NLRP1: variants seen among roughly 807,000 people sequenced by gnomAD.
NLRP1 encodes NLR family pyrin domain containing 1, also known as NACHT, LRR and PYD domains-containing protein 1.
In NLRP1, 94 loss-of-function variants were observed where a neutral mutation model predicts 136.7. The observed-to-expected ratio is 0.69, with a 90% CI of 0.58 to 0.82. The LOEUF (loss-of-function observed/expected upper bound fraction) is 0.82. Among genes scored for constraint, NLRP1 ranks in the 40% least tolerant of loss-of-function variants. The probability of loss-of-function intolerance (pLI) is 0.00; values close to 1 mark genes in which losing one functional copy is unlikely to be tolerated. For synonymous variants in NLRP1, 690 were observed against 725.1 expected (o/e 0.95, Z 0.78); for missense variants, 1,575 against 1,802.7 (o/e 0.87, Z 2.29).
rs192161726 is a variant in NLRP1 at position 5,524,049 on chromosome 17, G to A, written c.3521-2263C>T. Among the ~76,000 whole-genome samples, 25 of 152,220 alleles carry A rather than the reference G, an allele frequency of 1.6e-4. No individual in the cohort carries two copies. In the East Asian group the frequency reaches 4.6e-3, roughly 28 times the overall value. ...AGTGATTCTCATGCCTCAGCCTCCC[G>A]AGTAGCTGGGACTACAGGCATGCAC... is the stretch of plus-strand genomic sequence containing the variant. On this transcript the variant is annotated intron_variant, in intron 12 of 16. Transcript: ENST00000572272.
intron 8 of NLRP1, among the ~76,000 whole-genome samples, chr17:5,535,887 C>T (rs183748931): frequency 1.1e-3 from 172 of 152,238 alleles, no homozygotes; most frequent in African/African-American, 3.9e-3. Context: ...TTCCTGGCCC[C>T]GGGGCTTGCC....
chr17:5,515,216 C>G (rs1001154374), intron 16 of NLRP1, 143 bp from the exon 17 acceptor site: 1 of 881,558 alleles, frequency 1.1e-6, no homozygotes, highest in African/African-American at 1.7e-5. Flanking sequence ...CAGCATCTAG[C>G]TTGGCATTCT....
intron 3 of NLRP1, among the ~76,000 whole-genome samples, chr17:5,561,734 C>T (rs554542461): frequency 4.6e-5 from 2 of 43,064 alleles, no homozygotes; most frequent in South Asian, 6.4e-4. Flanking sequence ...TGAGCCACCG[C>T]GCCCGGCCCC....
chr17:5,513,597 C>T (rs968637356), downstream of NLRP1, among the ~76,000 whole-genome samples: 8 of 152,172 alleles, frequency 5.3e-5, no homozygotes, highest in African/African-American at 1.2e-4. Flanking sequence ...ATAAGTCATT[C>T]GATCAGGTAC....
At chr17:5,528,850 G>T (rs1237895327) in intron 12 of NLRP1, among the ~76,000 whole-genome samples, 2 of 151,940 alleles carry the variant, frequency 1.3e-5, no homozygotes, top group Non-Finnish European at 2.9e-5. Flanking sequence ...ATTAAGACAA[G>T]AAAAAATATT....
downstream of NLRP1, chr17:5,512,013 G>A: frequency 3.5e-6 from 2 of 573,632 alleles, no homozygotes; most frequent in Non-Finnish European, 6.4e-6. Context: ...ACAATGAGGT[G>A]GTAACTAATG....
intron 12 of NLRP1, among the ~76,000 whole-genome samples, chr17:5,527,959 G>A (rs925921593): frequency 2.6e-5 from 4 of 152,328 alleles, no homozygotes; most frequent in Admixed American, 2.0e-4. Flanking sequence ...ATGAGGGGGC[G>A]CTGGAGCAGG....
chr17:5,541,762 A>G lies in NLRP1; in HGVS notation c.2699+95T>C, dbSNP rs1911893219. On this transcript the variant is annotated intron_variant, in intron 6 of 16. Transcript: ENST00000572272. This position sits in a 1 kb window ranked among gnomAD's most constrained non-coding sequence, Gnocchi z 4.2. ...CCTGTAGGCTCCTCCCACTCCCACA[A>G]AGCAGGTCTCACCTTCTCTCTGCTC... is the stretch of plus-strand genomic sequence containing the variant. The G allele has an allele frequency of 1.6e-6, 2 of 1,274,790 alleles. No homozygotes were observed. Among genetic ancestry groups the G allele is most frequent in the Non-Finnish European group, 2.2e-6 (2 of 899,122 alleles). The allele number at this position is 1,274,790 out of a possible 1,614,324, so 79.0% of individuals were successfully genotyped here. A position where few individuals can be genotyped will look rare whatever the true frequency, so the allele number is the denominator to read the frequency against.
Position 5,517,777 on chromosome 17 carries a change from C to G in NLRP1, c.4026G>C (p.Glu1342Asp), listed in dbSNP as rs756567141. ...IRLQVKDKKDETLVWEALVKP... is the reference protein window; with the variant it reads ...IRLQVKDKKDDTLVWEALVKP... The stretch of plus-strand genomic sequence containing the variant: ...TCACCAAGGCCTCCCACACCAGAGT[C>G]TCATCTTTCTTGTCTTTCACTTGCA... Residue 1342 changes from glutamate to aspartate, a missense_variant, in exon 15 of 17, where the codon GAG (glutamate) becomes GAC (aspartate). By Grantham distance (45) the Glu-to-Asp change is conservative. Transcript: ENST00000572272. 1 of 1,614,216 alleles carries G rather than the reference C, an allele frequency of 6.2e-7. No homozygotes were observed. The highest frequency in any genetic ancestry group is 1.1e-5 in the South Asian group (1 of 91,082).
At chr17:5,558,309 G>A (rs199971755) in intron 4 of NLRP1, 30 bp downstream of exon 4, 106 of 1,564,594 alleles carry the variant, frequency 6.8e-5, no homozygotes, top group Admixed American at 1.5e-4. Flanking sequence ...TGACAGAGGA[G>A]CTGCAGACAT....
In NLRP1 at chr17:5,559,059, G is replaced by A; in HGVS notation, c.1637C>T (p.Thr546Ile). ...RKEKLTLTSKTTTTLCLHYLA... is the reference protein window; with the variant it reads ...RKEKLTLTSKITTTLCLHYLA... Reference sequence around the variant, plus strand: ...GTAATGTAGACAGAGGGTTGTGGTGGTCTTGGAAGTCAGTGTGAGTTTTTC... The same window carrying A: ...GTAATGTAGACAGAGGGTTGTGGTGATCTTGGAAGTCAGTGTGAGTTTTTC... The change falls in exon 4 of 17, where the codon ACC (threonine) becomes ATC (isoleucine). Residue 546 changes from threonine to isoleucine, a missense_variant. Thr to Ile is a moderately conservative substitution (Grantham distance 89). Transcript: ENST00000572272. 2 of 1,614,162 alleles carry A rather than the reference G, an allele frequency of 1.2e-6. No homozygotes were observed. The highest frequency in any genetic ancestry group is 1.7e-6 in the Non-Finnish European group (2 of 1,180,020).
Position 5,514,393 on chromosome 17 carries a change from T to C in NLRP1, c.*361A>G, listed in dbSNP as rs959148749. ...TGAACCCCAATTTTGGGGCTCACCC[T>C]GTGACACAGCCAGAGGCAAATGGTT... On this transcript the variant is annotated 3_prime_UTR_variant, in exon 17 of 17. Transcript: ENST00000572272. The C allele has an allele frequency of 1.8e-6, 2 of 1,109,670 alleles. No individual in the cohort carries two copies. The highest frequency in any genetic ancestry group is 2.2e-6 in the Non-Finnish European group (2 of 904,056). 68.7% of individuals were successfully genotyped at this position (1,109,670 alleles called of 1,614,324 possible). A position where few individuals can be genotyped will look rare whatever the true frequency, so the allele number is the denominator to read the frequency against.
intron 4 of NLRP1, among the ~76,000 whole-genome samples, chr17:5,556,440 C>T (rs1012719981): frequency 2.7e-5 from 4 of 146,024 alleles, no homozygotes; most frequent in African/African-American, 7.6e-5. Flanking sequence ...GGGGACAGAG[C>T]GAGACTCCGT....
chr17:5,573,498 G>A (rs1904658332), intron 3 of NLRP1, among the ~76,000 whole-genome samples: 1 of 152,310 alleles, frequency 6.6e-6, no homozygotes, highest in South Asian at 2.1e-4. Context: ...TTTGAGATCT[G>A]AGAACAGACA....
chr17:5,515,815 C>T lies in NLRP1; in HGVS notation c.4058-298G>A, dbSNP rs187404655. Among the ~76,000 whole-genome samples the T allele has an allele frequency of 1.0e-3, 157 of 152,290 alleles. 1 individual carries two copies. The highest frequency in any genetic ancestry group is 3.7e-3 in the African/African-American group (152 of 41,562). ...AACATCCCAGACTTGGTTTTAATCCCGTGTTGGCCTGAATTGTATCCCTGG... is the reference window on the plus strand; with the variant it reads ...AACATCCCAGACTTGGTTTTAATCCTGTGTTGGCCTGAATTGTATCCCTGG... On this transcript the variant is annotated intron_variant, in intron 15 of 16. Transcript: ENST00000572272.
At chr17:5,509,153 A>T (rs8079727), downstream of NLRP1, among the ~76,000 whole-genome samples, 1 of 151,958 alleles carries the variant, frequency 6.6e-6, no homozygotes, top group Non-Finnish European at 1.5e-5. Flanking sequence ...CTACTGCTAG[A>T]CTTCCCTTCA....
chr17:5,512,343 C>G, downstream of NLRP1: 1 of 1,324,342 alleles, frequency 7.6e-7, no homozygotes, highest in Non-Finnish European at 1.1e-6. Context: ...CTACTTTAGC[C>G]TTACACTTGG....
intron 3 of NLRP1, among the ~76,000 whole-genome samples, chr17:5,569,732 A>G (rs866111395): frequency 6.8e-4 from 103 of 151,990 alleles, no homozygotes; most frequent in African/African-American, 2.3e-3. Context: ...ACTAACAAAG[A>G]TATTTGGGAC....
chr17:5,552,084 CTTTTTTT>C lies in NLRP1; in HGVS notation c.2528+1295_2528+1301del, dbSNP rs71151872. 5.4e-3 allele frequency among the ~76,000 whole-genome samples: 523 copies of C among 96,654 alleles called. 3 individuals are homozygous for C. Among genetic ancestry groups the C allele is most frequent in the African/African-American group, 0.019 (355 of 18,784 alleles). 63.4% of individuals were successfully genotyped at this position (96,654 alleles called of 152,430 possible). A position where few individuals can be genotyped will look rare whatever the true frequency, so the allele number is the denominator to read the frequency against. On this transcript the variant is annotated intron_variant, in intron 5 of 16. Coordinates refer to ENST00000572272, the MANE Select transcript of NLRP1 (RefSeq NM_033004.4). The stretch of plus-strand genomic sequence containing the variant: ...GCCATCATGTCTGGCTCTATCTTTC[CTTTTTTT>C]TTTTTTTTTTTTTTTTTTTTTTTTA...
Sources: allele counts gnomAD v4.1 joint callset (sites outside exome capture counted in the v4.1 genomes callset), GRCh38; gene constraint gnomAD v4.1.1; non-coding constraint Gnocchi (gnomAD v3.1); transcripts MANE v1.5; gene names NCBI Gene and HGNC (gene_info 2026-07-23, HGNC 2026-07-21).